Variants in NDST4 observed in about 807,000 individuals in gnomAD.
NDST4 encodes N-deacetylase and N-sulfotransferase 4.
NDST4 carries 63 observed loss-of-function variants against 100.8 expected under a neutral mutation model. The ratio of observed to expected loss-of-function variants is 0.62; its 90% CI spans 0.51 to 0.77. The LOEUF is 0.77. Ranked by LOEUF, NDST4 falls within the 30% of genes least tolerant of loss-of-function variation. The probability of loss-of-function intolerance (pLI) is 0.00; values close to 1 mark genes in which losing one functional copy is unlikely to be tolerated. For synonymous variants in NDST4, 377 were observed against 361.8 expected (o/e 1.04, Z -0.48); for missense variants, 943 against 1,018.4 (o/e 0.93, Z 1.01).
chr4:114,964,751 G>A (rs554591574), intron 4 of NDST4, among the ~76,000 whole-genome samples: 8 of 152,120 alleles, frequency 5.3e-5, no homozygotes, highest in Non-Finnish European at 8.8e-5. Flanking sequence ...TTATTAAATC[G>A]TCTTTTCTCA....
intron 2 of NDST4, among the ~76,000 whole-genome samples, chr4:115,017,704 C>G (rs959996975): frequency 1.3e-5 from 2 of 151,868 alleles, no homozygotes; most frequent in African/African-American, 4.8e-5. Flanking sequence ...TTACAATGTG[C>G]TAGGTATATT....
At position 115,113,511 on chromosome 4, in the gene NDST4, T is replaced by A. The variant is rs1228691747; in HGVS notation, c.-314A>T. On this transcript the variant is annotated 5_prime_UTR_variant, in exon 1 of 14. Transcript: ENST00000264363. ...TTATCCCGTGTTAGAACATGAGATA[T>A]CCAGTATTCAGGTTCACTTGGCTCC... The A allele has an allele frequency of 6.6e-6, 1 of 151,986 alleles. No homozygotes were observed. The highest frequency in any genetic ancestry group is 2.4e-5 in the African/African-American group (1 of 41,418). 9.4% of individuals were successfully genotyped at this position (151,986 alleles called of 1,614,324 possible). A position where few individuals can be genotyped will look rare whatever the true frequency, so the allele number is the denominator to read the frequency against.
chr4:115,001,875 G>T (rs1289631240), intron 2 of NDST4, among the ~76,000 whole-genome samples: 1 of 152,124 alleles, frequency 6.6e-6, no homozygotes, highest in Non-Finnish European at 1.5e-5. Flanking sequence ...TTATAATCAT[G>T]CCTAAAGGCA....
Position 114,833,617 on chromosome 4 carries a change from A to G in NDST4, c.2385T>C (p.Ser795=). 6.2e-7 allele frequency: 1 copy of G among 1,606,124 alleles called. No homozygotes were observed. The highest frequency in any genetic ancestry group is 2.2e-5 in the East Asian group (1 of 44,806). The change falls in exon 12 of 14, where the codon TCT becomes TCC. Residue 795 remains serine (S), a synonymous_variant. Transcript: ENST00000264363. ...FLGVTPRYNY[S]EALTFDPQKG... ...GACAATAGACTCACGTTAGTGCTTC[A>G]GAGTAATTATAACGAGGTGTAACTC...
intron 2 of NDST4, among the ~76,000 whole-genome samples, chr4:115,017,860 T>A (rs1051627589): frequency 2.0e-5 from 3 of 151,980 alleles, no homozygotes; most frequent in Non-Finnish European, 2.9e-5. Flanking sequence ...TGCTCCTGAT[T>A]GTTTACATGC....
intron 6 of NDST4, among the ~76,000 whole-genome samples, chr4:114,928,916 T>A (rs1725437145): frequency 6.6e-6 from 1 of 152,000 alleles, no homozygotes; most frequent in Non-Finnish European, 1.5e-5. Context: ...TTTTCCTGGG[T>A]CTCCCCAGCT....
chr4:114,948,362 C>T (rs568042458), intron 4 of NDST4, among the ~76,000 whole-genome samples: 2 of 148,304 alleles, frequency 1.3e-5, no homozygotes, highest in East Asian at 2.0e-4. Context: ...TGATTGTTTG[C>T]AATTTTGTGG....
chr4:114,854,015 T>C (rs769194852), intron 7 of NDST4, among the ~76,000 whole-genome samples: 22 of 152,218 alleles, frequency 1.4e-4, no homozygotes, highest in Non-Finnish European at 3.1e-4. Flanking sequence ...AATAAATTAT[T>C]GTTGACTGTA....
intron 2 of NDST4, among the ~76,000 whole-genome samples, chr4:115,023,908 C>T (rs1367812347): frequency 4.6e-5 from 7 of 152,196 alleles, no homozygotes; most frequent in African/African-American, 9.6e-5. Flanking sequence ...CCCAGATCTG[C>T]GATGGTCATC....
chr4:115,057,076 T>C (rs1728710848), intron 2 of NDST4, among the ~76,000 whole-genome samples: 2 of 152,128 alleles, frequency 1.3e-5, no homozygotes, highest in Admixed American at 6.6e-5. Context: ...TGAATTTACA[T>C]ATGTAAGTAA....
At chr4:115,022,458 G>GTTCCATATATATATA (rs1727874696) in intron 2 of NDST4, among the ~76,000 whole-genome samples, 1 of 61,424 alleles carries the variant, frequency 1.6e-5, no homozygotes, top group African/African-American at 8.0e-5. Context: ...CCATATATAT[G>GTTCCATATATATATA]TGTTCCATAT....
intron 4 of NDST4, among the ~76,000 whole-genome samples, chr4:114,940,316 T>G (rs768176705): frequency 1.2e-4 from 19 of 152,186 alleles, no homozygotes; most frequent in Non-Finnish European, 2.6e-4. Flanking sequence ...ATTTACAGAC[T>G]ATATGAAAAA....
At chr4:115,021,305 TATATTCCACATATAC>T (rs776920869) in intron 2 of NDST4, among the ~76,000 whole-genome samples, 71 of 146,616 alleles carry the variant, frequency 4.8e-4, no homozygotes, top group African/African-American at 1.3e-3. Context: ...ATTCCATATA[TATATTCCACATATAC>T]ATATTCCACA....
chr4:114,891,264 T>G (rs1463912490), intron 6 of NDST4, among the ~76,000 whole-genome samples: 1 of 152,096 alleles, frequency 6.6e-6, no homozygotes, highest in East Asian at 1.9e-4. Flanking sequence ...TTATACAATA[T>G]CCTCTTCTAA....
intron 1 of NDST4, among the ~76,000 whole-genome samples, chr4:115,086,249 A>C (rs1729408208): frequency 6.6e-6 from 1 of 152,148 alleles, no homozygotes; most frequent in Non-Finnish European, 1.5e-5. Flanking sequence ...TCCAGGCCAA[A>C]AAATATTATG....
At chr4:115,020,186 A>G (rs1308153872) in intron 2 of NDST4, among the ~76,000 whole-genome samples, 3 of 152,116 alleles carry the variant, frequency 2.0e-5, no homozygotes, top group Admixed American at 1.3e-4. Context: ...AAGAGCCTAA[A>G]ACTTCTTAGG....
chr4:114,840,768 G>C (rs183629334), intron 10 of NDST4, among the ~76,000 whole-genome samples: 39 of 152,226 alleles, frequency 2.6e-4, no homozygotes, highest in Non-Finnish European at 2.8e-4. Context: ...ATACTGGTCC[G>C]TGCTATGACT....
intron 1 of NDST4, among the ~76,000 whole-genome samples, chr4:115,096,004 T>A (rs928439488): frequency 6.6e-6 from 1 of 151,898 alleles, no homozygotes; most frequent in African/African-American, 2.4e-5. Flanking sequence ...CTTTACACTC[T>A]CTCTCTCATG....
At chr4:114,968,290 T>A (rs1408746419) in intron 4 of NDST4, among the ~76,000 whole-genome samples, 1 of 152,222 alleles carries the variant, frequency 6.6e-6, no homozygotes, top group Non-Finnish European at 1.5e-5. Context: ...ACAGTACTAA[T>A]GAATCACAAC....
Sources: gnomAD v4.1 joint callset for allele counts (sites outside exome capture counted in the v4.1 genomes callset) on GRCh38, gnomAD v4.1.1 for gene constraint, MANE v1.5 for transcripts, NCBI Gene and HGNC (gene_info 2026-07-23, HGNC 2026-07-21) for gene names.